PTPRN2: variants seen among roughly 807,000 people sequenced by gnomAD.
PTPRN2 encodes receptor-type tyrosine-protein phosphatase N2.
PTPRN2 carries 74 observed loss-of-function variants against 118.8 expected under a neutral mutation model. The observed-to-expected ratio is 0.62, with a 90% CI of 0.52 to 0.76. The LOEUF (loss-of-function observed/expected upper bound fraction) is 0.76. Ranked by LOEUF, PTPRN2 falls within the 30% of genes least tolerant of loss-of-function variation. The pLI, the probability that PTPRN2 is intolerant of heterozygous loss-of-function variation, is 0.00. For missense variants in PTPRN2, 1,481 were observed against 1,394.4 expected (o/e 1.06, Z -0.99); for synonymous variants, 641 against 608.0 (o/e 1.05, Z -0.80).
At chr7:158,154,007 G>T (rs772193131) in intron 6 of PTPRN2, among the ~76,000 whole-genome samples, 5 of 152,186 alleles carry the variant, frequency 3.3e-5, no homozygotes, top group South Asian at 4.1e-4. Flanking sequence ...TAGGAACCAT[G>T]GGAGGGTTCG....
At position 158,296,577 on chromosome 7, in the gene PTPRN2, C is replaced by G. The variant is rs188867387; in HGVS notation, c.277+20242G>C. ...ACAGACGGCGAAACTAAAAAAGCAC[C>G]CTGTAACACACGCCCACTGGGGCTT... On this transcript the variant is annotated intron_variant, in intron 3 of 22. Coordinates refer to ENST00000389418, the MANE Select transcript of PTPRN2 (RefSeq NM_002847.5). Among the ~76,000 whole-genome samples the G allele has an allele frequency of 2.6e-5, 4 of 152,256 alleles. No homozygotes were observed. The East Asian group carries it at 7.7e-4, about 29-fold the overall frequency.
chr7:158,567,291 G>T (rs1416796114), intron 1 of PTPRN2, among the ~76,000 whole-genome samples: 1 of 152,172 alleles, frequency 6.6e-6, no homozygotes, highest in Non-Finnish European at 1.5e-5. Flanking sequence ...ACATATTTAT[G>T]GTGTTTATCC....
Position 157,850,089 on chromosome 7 carries a change from A to G in PTPRN2, c.1788+48584T>C, listed in dbSNP as rs1000499597. Reference sequence around the variant, plus strand: ...AATTGCCAGATAAAATTTGCTTGAAAATCTTTTATGGGAGGAAAAGAGAAC... The same window carrying G: ...AATTGCCAGATAAAATTTGCTTGAAGATCTTTTATGGGAGGAAAAGAGAAC... On this transcript the variant is annotated intron_variant, in intron 12 of 22. Coordinates refer to ENST00000389418, the MANE Select transcript of PTPRN2 (RefSeq NM_002847.5). Among the ~76,000 whole-genome samples, 4 of 152,366 alleles carry G rather than the reference A, an allele frequency of 2.6e-5. No homozygotes were observed. The East Asian group carries it at 5.8e-4, about 22-fold the overall frequency.
intron 9 of PTPRN2, among the ~76,000 whole-genome samples, chr7:158,121,454 C>T (rs1177199327): frequency 6.6e-6 from 1 of 152,232 alleles, no homozygotes; most frequent in African/African-American, 2.4e-5. Context: ...GGGCAGGAGC[C>T]ACGTGTCATC....
At chr7:158,403,390 AC>A (rs1448748931) in intron 2 of PTPRN2, among the ~76,000 whole-genome samples, 1 of 152,118 alleles carries the variant, frequency 6.6e-6, no homozygotes, top group African/African-American at 2.4e-5. Context: ...CAAGGATTCC[AC>A]CCTGACATGC....
intron 11 of PTPRN2, among the ~76,000 whole-genome samples, chr7:158,023,728 G>A (rs553900571): frequency 6.6e-6 from 1 of 152,284 alleles, no homozygotes; most frequent in African/African-American, 2.4e-5. Flanking sequence ...TGCCCAGTTT[G>A]TCATCTCCTC....
chr7:157,636,880 A>G (rs1016929819), intron 14 of PTPRN2, among the ~76,000 whole-genome samples: 3 of 152,266 alleles, frequency 2.0e-5, no homozygotes, highest in African/African-American at 7.2e-5. Flanking sequence ...TTAACTATAG[A>G]TAGTTTAACA....
chr7:158,176,433 G>T (rs1824214637), intron 5 of PTPRN2, among the ~76,000 whole-genome samples: 1 of 152,242 alleles, frequency 6.6e-6, no homozygotes, highest in African/African-American at 2.4e-5. Context: ...AGTGAGGAAA[G>T]GGCAGAGCTA....
At position 157,779,743 on chromosome 7, in the gene PTPRN2, G is replaced by T. The variant is rs1803561985; in HGVS notation, c.1789-96806C>A. On this transcript the variant is annotated intron_variant, in intron 12 of 22. Coordinates refer to ENST00000389418, the MANE Select transcript of PTPRN2 (RefSeq NM_002847.5). The surrounding 1 kb of genome is among the most constrained non-coding windows in gnomAD (Gnocchi z 4.7). ...CTGAGGGTCTGGGGAAGGCGCTGTGGCCTGAATGCTCACCCTATGGCTGGG... is the reference window on the plus strand; with the variant it reads ...CTGAGGGTCTGGGGAAGGCGCTGTGTCCTGAATGCTCACCCTATGGCTGGG... 6.6e-6 allele frequency among the ~76,000 whole-genome samples: 1 copy of T among 152,176 alleles called. No homozygotes were observed. The highest frequency in any genetic ancestry group is 2.4e-5 in the African/African-American group (1 of 41,426).
At chr7:157,930,480 C>G (rs1799291023) in intron 11 of PTPRN2, among the ~76,000 whole-genome samples, 1 of 152,216 alleles carries the variant, frequency 6.6e-6, no homozygotes, top group Admixed American at 6.5e-5. Context: ...CTGGCACCAG[C>G]TGAAGTGTTT....
intron 1 of PTPRN2, among the ~76,000 whole-genome samples, chr7:158,524,470 A>AGTC (rs1273371370): frequency 9.9e-6 from 1 of 101,200 alleles, no homozygotes; most frequent in African/African-American, 4.5e-5. Flanking sequence ...CCTGGAGCGG[A>AGTC]GTCTGCCCTG....
intron 4 of PTPRN2, among the ~76,000 whole-genome samples, chr7:158,194,899 C>A (rs1427958063): frequency 8.8e-6 from 1 of 113,058 alleles, no homozygotes; most frequent in Non-Finnish European, 1.7e-5. Flanking sequence ...AATTCTCCCT[C>A]CAGCTCTGAT....
chr7:158,538,182 C>T (rs1825760320), intron 1 of PTPRN2, among the ~76,000 whole-genome samples: 1 of 152,230 alleles, frequency 6.6e-6, no homozygotes, highest in African/African-American at 2.4e-5. Flanking sequence ...TTTAGGGGCC[C>T]CCTGTAAGTG....
chr7:157,766,320 C>T (rs1185220084), intron 12 of PTPRN2, among the ~76,000 whole-genome samples: 1 of 147,276 alleles, frequency 6.8e-6, no homozygotes, highest in East Asian at 2.4e-4. Flanking sequence ...ATCCATCCAC[C>T]CATCCATCCT....
intron 3 of PTPRN2, among the ~76,000 whole-genome samples, chr7:158,278,448 G>C (rs374642757): frequency 1.3e-5 from 2 of 152,218 alleles, no homozygotes; most frequent in Non-Finnish European, 2.9e-5. Flanking sequence ...TCCCAGCTAC[G>C]TGGGAGGCTG....
intron 1 of PTPRN2, among the ~76,000 whole-genome samples, chr7:158,494,452 G>C (rs182821336): frequency 1.3e-5 from 2 of 152,348 alleles, no homozygotes; most frequent in East Asian, 3.9e-4. Flanking sequence ...ATAAAATCCA[G>C]CTGATGTGAG....
At chr7:157,574,417 A>C (rs1455589119) in intron 19 of PTPRN2, 1 of 532,806 alleles carries the variant, frequency 1.9e-6, no homozygotes, top group East Asian at 5.5e-5. Flanking sequence ...GACACTGGCC[A>C]CCGCTAATTA....
chr7:158,120,059 T>A (rs1000715951), intron 9 of PTPRN2, among the ~76,000 whole-genome samples: 1 of 152,164 alleles, frequency 6.6e-6, no homozygotes, highest in African/African-American at 2.4e-5. Flanking sequence ...ACAACAGGGA[T>A]GAACCCTGAA....
At chr7:158,540,661 G>A (rs897137376) in intron 1 of PTPRN2, among the ~76,000 whole-genome samples, 2 of 152,212 alleles carry the variant, frequency 1.3e-5, no homozygotes, top group African/African-American at 2.4e-5. Flanking sequence ...CTGGGGCTTC[G>A]GGCAGGGGTG....
Sources: allele counts gnomAD v4.1 joint callset (sites outside exome capture counted in the v4.1 genomes callset), GRCh38; gene constraint gnomAD v4.1.1; non-coding constraint Gnocchi (gnomAD v3.1); transcripts MANE v1.5; gene names NCBI Gene and HGNC (gene_info 2026-07-23, HGNC 2026-07-21).